The following TSHZ2 variants were observed in gnomAD, a reference collection of about 807,000 sequenced individuals.
The protein encoded by TSHZ2 is teashirt zinc finger homeobox 2.
A neutral mutation model predicts 74.4 loss-of-function variants in TSHZ2; 21 were observed. The observed-to-expected ratio is 0.28, with a 90% CI of 0.20 to 0.41. The LOEUF (loss-of-function observed/expected upper bound fraction) is 0.41, where lower values mean the gene tolerates loss of function less well. TSHZ2 is among the 10% of genes least tolerant of loss of function. The probability of loss-of-function intolerance (pLI) is 1.00; values close to 1 mark genes in which losing one functional copy is unlikely to be tolerated. For synonymous variants in TSHZ2, 540 were observed against 515.3 expected, an observed-to-expected ratio of 1.05 and a Z score of -0.65; for missense variants, 1,244 against 1,293.5, an observed-to-expected ratio of 0.96 and a Z score of 0.59.
intron 2 of TSHZ2, among the ~76,000 whole-genome samples, chr20:53,276,853 A>G (rs1345846683): frequency 6.6e-6 from 1 of 152,202 alleles, no homozygotes; most frequent in Non-Finnish European, 1.5e-5. Context: ...AGTGCTCCAG[A>G]TAGTTTGCTT....
intron 1 of TSHZ2, among the ~76,000 whole-genome samples, chr20:53,030,654 A>G (rs145550178): frequency 2.6e-5 from 4 of 152,296 alleles, no homozygotes; most frequent in Non-Finnish European, 5.9e-5. Context: ...TCTCTGAAAT[A>G]AAAATACCTT....
At chr20:53,453,333 C>G (rs1984884988) in intron 2 of TSHZ2, among the ~76,000 whole-genome samples, 1 of 152,198 alleles carries the variant, frequency 6.6e-6, no homozygotes, top group Admixed American at 6.5e-5. Context: ...TGCCAGCAAA[C>G]TCCATTTTTC....
chr20:53,363,107 C>T (rs2145607919), intron 2 of TSHZ2, among the ~76,000 whole-genome samples: 1 of 152,342 alleles, frequency 6.6e-6, no homozygotes, highest in Admixed American at 6.5e-5. Flanking sequence ...GAGGGGTATA[C>T]CCGAGGCATG....
Position 53,405,660 on chromosome 20 carries a change from G to C in TSHZ2, c.*9-81484G>C, listed in dbSNP as rs530668174. The stretch of plus-strand genomic sequence containing the variant: ...AGAATAAATAAGATAATTGCAGCTA[G>C]TGATGAGAGACAAGAGGAAAAGATA... On this transcript the variant is annotated intron_variant, in intron 2 of 2. Coordinates refer to ENST00000371497, the MANE Select transcript of TSHZ2 (RefSeq NM_173485.6). Among the ~76,000 whole-genome samples the C allele has an allele frequency of 5.9e-5, 9 of 152,314 alleles. No homozygotes were observed. The South Asian group carries it at 1.9e-3, about 32-fold the overall frequency.
At chr20:53,036,340 G>C (rs1006403083) in intron 1 of TSHZ2, among the ~76,000 whole-genome samples, 1 of 152,058 alleles carries the variant, frequency 6.6e-6, no homozygotes, top group African/African-American at 2.4e-5. Flanking sequence ...GTTCTGTGAT[G>C]TTAAATGTTA....
rs373021241 is a variant in TSHZ2, at chr20:53,040,379, A to G, written c.40+67046A>G. 2.6e-5 allele frequency among the ~76,000 whole-genome samples: 4 copies of G among 152,236 alleles called. No homozygotes were observed. In the East Asian group the frequency reaches 7.7e-4, roughly 29 times the overall value. ...CTAAATCAGAGGGCAGGTGTGGGGT[A>G]AGTGGTGCAAAGGCTTGTGGGCTGT... On this transcript the variant is annotated intron_variant, in intron 1 of 2. Transcript: ENST00000371497.
chr20:53,335,244 T>C (rs1780096847), intron 2 of TSHZ2, among the ~76,000 whole-genome samples: 1 of 152,194 alleles, frequency 6.6e-6, no homozygotes, highest in Non-Finnish European at 1.5e-5. Context: ...TGTGTTCAAA[T>C]CAAGCCTTGA....
intron 2 of TSHZ2, among the ~76,000 whole-genome samples, chr20:53,274,140 C>G (rs969929808): frequency 6.6e-6 from 1 of 152,068 alleles, no homozygotes; most frequent in Admixed American, 6.5e-5. Context: ...TGTGGTGGCG[C>G]GTGCCTGTAA....
intron 1 of TSHZ2, among the ~76,000 whole-genome samples, chr20:53,208,073 G>A (rs1251734226): frequency 6.6e-6 from 1 of 152,030 alleles, no homozygotes; most frequent in Non-Finnish European, 1.5e-5. Flanking sequence ...AAACAACATA[G>A]ATGCAAATAT....
chr20:53,269,569 T>C (rs906039182), intron 2 of TSHZ2, among the ~76,000 whole-genome samples: 1 of 152,118 alleles, frequency 6.6e-6, no homozygotes, highest in African/African-American at 2.4e-5. Context: ...ATGATCATGA[T>C]GATATGATGA....
At chr20:53,405,696 G>T (rs1486790641) in intron 2 of TSHZ2, among the ~76,000 whole-genome samples, 1 of 152,124 alleles carries the variant, frequency 6.6e-6, no homozygotes, top group Non-Finnish European at 1.5e-5. Flanking sequence ...GCAGAACAAG[G>T]TGATAAAAAG....
At chr20:53,180,793 G>A (rs941978718) in intron 1 of TSHZ2, among the ~76,000 whole-genome samples, 2 of 152,066 alleles carry the variant, frequency 1.3e-5, no homozygotes, top group African/African-American at 4.8e-5. Flanking sequence ...AAAATAAAAT[G>A]AAAAGATCAC....
At chr20:53,085,571 T>C (rs566481850) in intron 1 of TSHZ2, among the ~76,000 whole-genome samples, 7 of 152,312 alleles carry the variant, frequency 4.6e-5, no homozygotes, top group Admixed American at 4.6e-4. Context: ...GAACACTTAT[T>C]TACATGCCAG....
At chr20:52,979,184 C>T (rs1005257723) in intron 1 of TSHZ2, among the ~76,000 whole-genome samples, 2 of 149,368 alleles carry the variant, frequency 1.3e-5, no homozygotes, top group African/African-American at 4.9e-5. Flanking sequence ...TTTATAATTT[C>T]TTTTTTTTTT....
chr20:53,039,795 C>T lies in TSHZ2; in HGVS notation c.40+66462C>T, dbSNP rs950239275. Among the ~76,000 whole-genome samples the T allele has an allele frequency of 1.8e-3, 268 of 150,514 alleles. 2 individuals are homozygous for T. Among genetic ancestry groups the T allele is most frequent in the African/African-American group, 5.8e-3 (238 of 40,750 alleles). On this transcript the variant is annotated intron_variant, in intron 1 of 2. Coordinates refer to ENST00000371497, the MANE Select transcript of TSHZ2 (RefSeq NM_173485.6). The stretch of plus-strand genomic sequence containing the variant: ...ACTCCATCTCAAACACACACACACA[C>T]ACACACACACACACACACACCAGTG...
At chr20:52,979,836 T>C (rs1981494128) in intron 1 of TSHZ2, among the ~76,000 whole-genome samples, 1 of 152,186 alleles carries the variant, frequency 6.6e-6, no homozygotes, top group African/African-American at 2.4e-5. Context: ...ATTATTTAGC[T>C]ATGCATAACA....
chr20:53,482,011 G>A (rs1197203363), intron 2 of TSHZ2, among the ~76,000 whole-genome samples: 2 of 150,344 alleles, frequency 1.3e-5, no homozygotes, highest in African/African-American at 4.9e-5. Context: ...GGCTGAGGCA[G>A]GAGAATTGCT....
chr20:53,406,298 C>T (rs1329842106), intron 2 of TSHZ2, among the ~76,000 whole-genome samples: 2 of 152,186 alleles, frequency 1.3e-5, no homozygotes, highest in Admixed American at 6.5e-5. Flanking sequence ...TCCGGGCTGC[C>T]AAAAGCTTAC....
intron 1 of TSHZ2, among the ~76,000 whole-genome samples, chr20:53,210,803 C>T (rs139458537): frequency 0.013 from 2,013 of 152,100 alleles, 16 homozygotes; most frequent in Non-Finnish European, 0.02. Flanking sequence ...CGTATATAAT[C>T]TCAATTAAAA....
Sources: allele counts gnomAD v4.1 joint callset (sites outside exome capture counted in the v4.1 genomes callset), GRCh38; gene constraint gnomAD v4.1.1; transcripts MANE v1.5; gene names NCBI Gene and HGNC (gene_info 2026-07-23, HGNC 2026-07-21).